Variants in KLHDC4 observed in about 807,000 individuals in gnomAD.
KLHDC4 encodes kelch domain-containing protein 4.
Under a neutral mutation model 62.4 loss-of-function variants are expected in KLHDC4, and 90 were observed. The ratio of observed to expected loss-of-function variants is 1.44; its 90% CI spans 1.22 to 1.72. KLHDC4 has a LOEUF of 1.72. Among genes scored for constraint, KLHDC4 ranks in the 40% most tolerant of loss-of-function variants. The pLI, the probability that KLHDC4 is intolerant of heterozygous loss-of-function variation, is 0.00. For synonymous variants in KLHDC4, 386 were observed against 284.4 expected (o/e 1.36, Z -3.59); for missense variants, 1,025 against 699.7 (o/e 1.47, Z -5.25).
chr16:87,723,950 T>A (rs928368526), intron 7 of KLHDC4, among the ~76,000 whole-genome samples: 5 of 152,268 alleles, frequency 3.3e-5, no homozygotes, highest in Non-Finnish European at 7.4e-5. Flanking sequence ...GATTCTCCTA[T>A]CTCAGCCTCC....
rs755158017 is a variant in KLHDC4, at chr16:87,761,948, C to A, written c.191+1G>T. ...CAATATGAAAAATGCTACTTGCTCA[C>A]CTTGGTGAGGGTGGGGGGCACGGAA... On this transcript the variant is annotated splice_donor_variant, in intron 2 of 11. Coordinates refer to ENST00000270583, the MANE Select transcript of KLHDC4 (RefSeq NM_017566.4). LOFTEE classifies it high-confidence loss of function. 6.2e-7 allele frequency: 1 copy of A among 1,613,026 alleles called. No homozygotes were observed. Among genetic ancestry groups the A allele is most frequent in the Non-Finnish European group, 8.5e-7 (1 of 1,179,614 alleles).
intron 1 of KLHDC4, among the ~76,000 whole-genome samples, chr16:87,764,424 C>T (rs1488440318): frequency 1.3e-5 from 2 of 151,662 alleles, no homozygotes; most frequent in Admixed American, 1.3e-4. Context: ...CCGAGGCGAG[C>T]GCATCACCTG....
intron 5 of KLHDC4, among the ~76,000 whole-genome samples, chr16:87,744,005 G>A (rs370436506): frequency 2.6e-5 from 4 of 152,164 alleles, no homozygotes; most frequent in South Asian, 4.1e-4. Flanking sequence ...AGGGCCAGGC[G>A]TGGTGGCTCA....
intron 7 of KLHDC4, among the ~76,000 whole-genome samples, chr16:87,724,478 G>T (rs535731404): frequency 3.5e-4 from 54 of 152,200 alleles, no homozygotes; most frequent in African/African-American, 1.3e-3. Context: ...GAAAAGAACT[G>T]GTGTCCAGAA....
chr16:87,721,298 T>C (rs915153071), intron 7 of KLHDC4, among the ~76,000 whole-genome samples: 4 of 151,614 alleles, frequency 2.6e-5, no homozygotes, highest in Non-Finnish European at 2.9e-5. Flanking sequence ...CAGGCGCCTG[T>C]AGTCCCACCT....
chr16:87,732,321 C>G (rs1179990590), intron 5 of KLHDC4, among the ~76,000 whole-genome samples: 1 of 152,068 alleles, frequency 6.6e-6, no homozygotes, highest in East Asian at 1.9e-4. Context: ...GTCTCGAACT[C>G]CTGACCTCAG....
At chr16:87,743,434 CTGAATAT>C (rs1302365112) in intron 5 of KLHDC4, among the ~76,000 whole-genome samples, 1 of 152,066 alleles carries the variant, frequency 6.6e-6, no homozygotes, top group African/African-American at 2.4e-5. Flanking sequence ...TTAAACTTGA[CTGAATAT>C]TAAAAAAAAT....
At chr16:87,748,003 TAGA>T (rs930932895) in intron 5 of KLHDC4, among the ~76,000 whole-genome samples, 42 of 152,202 alleles carry the variant, frequency 2.8e-4, no homozygotes, top group African/African-American at 9.9e-4. Context: ...AGGCCACACA[TAGA>T]AGGACACTAA....
chr16:87,755,082 A>G, intron 4 of KLHDC4, 112 bp downstream of exon 4: 1 of 681,198 alleles, frequency 1.5e-6, no homozygotes, highest in Non-Finnish European at 2.6e-6. Flanking sequence ...CAGGCGATCT[A>G]CAGGGCCCAG....
At chr16:87,721,389 G>A (rs2038295225) in intron 7 of KLHDC4, among the ~76,000 whole-genome samples, 1 of 149,670 alleles carries the variant, frequency 6.7e-6, no homozygotes, top group African/African-American at 2.5e-5. Flanking sequence ...ACTCCAGCCT[G>A]GGGGATAGAG....
chr16:87,728,600 T>C (rs2039786560), intron 6 of KLHDC4, among the ~76,000 whole-genome samples: 1 of 152,234 alleles, frequency 6.6e-6, no homozygotes, highest in Admixed American at 6.5e-5. Context: ...ACAATCTCAC[T>C]GTCCTACACA....
chr16:87,709,537 T>C lies in KLHDC4; in HGVS notation c.1175A>G (p.Asp392Gly), dbSNP rs768411783. Reference protein sequence around the residue: ...VQLVKEVVAEDGTVVTIKQVL... With the variant: ...VQLVKEVVAEGGTVVTIKQVL... ...CTGCTTAATGGTGACCACGGTGCCATCCTCGGCCACCACCTCCTTGACCAG... is the reference window on the plus strand; with the variant it reads ...CTGCTTAATGGTGACCACGGTGCCACCCTCGGCCACCACCTCCTTGACCAG... Residue 392 changes from aspartate (D) to glycine (G), a missense_variant, in exon 10 of 12, where the codon GAT (aspartate) becomes GGT (glycine). By Grantham distance (94) the Asp-to-Gly change is moderately conservative (BLOSUM62 -1). Coordinates refer to ENST00000270583, the MANE Select transcript of KLHDC4 (RefSeq NM_017566.4). 6 of 1,612,448 alleles carry C rather than the reference T, an allele frequency of 3.7e-6. No individual in the cohort carries two copies. The highest frequency in any genetic ancestry group is 3.3e-4 in the Middle Eastern group (2 of 6,062).
At chr16:87,756,527 C>A (rs757692667) in intron 2 of KLHDC4, 50 bp from the exon 3 acceptor site, 1 of 1,340,542 alleles carries the variant, frequency 7.5e-7, no homozygotes, top group Non-Finnish European at 1.1e-6. Context: ...CGATACCCAC[C>A]TGAGCGCTGT....
intron 7 of KLHDC4, among the ~76,000 whole-genome samples, chr16:87,726,023 G>A (rs547025971): frequency 6.6e-6 from 1 of 152,022 alleles, no homozygotes; most frequent in Non-Finnish European, 1.5e-5. Flanking sequence ...GCCCTAACAC[G>A]GCACCAAGTT....
At chr16:87,705,027 G>A (rs1472035844), downstream of KLHDC4, among the ~76,000 whole-genome samples, 1 of 152,072 alleles carries the variant, frequency 6.6e-6, no homozygotes, top group African/African-American at 2.4e-5. Flanking sequence ...CGGCCAGAGT[G>A]CCTCCCCTGG....
chr16:87,703,713 G>GT (rs1261636653), downstream of KLHDC4, among the ~76,000 whole-genome samples: 1 of 152,204 alleles, frequency 6.6e-6, no homozygotes, highest in Non-Finnish European at 1.5e-5. Flanking sequence ...GAAAACGGGC[G>GT]TGAGCTGGAC....
intron 4 of KLHDC4, among the ~76,000 whole-genome samples, chr16:87,752,538 T>C (rs1456544860): frequency 6.6e-6 from 1 of 152,050 alleles, no homozygotes; most frequent in Admixed American, 6.5e-5. Context: ...GGTTTCACCA[T>C]GTTGGCCAGG....
chr16:87,700,963 G>A, exon 1 of KLHDC4: 1 of 227,294 alleles, frequency 4.4e-6, no homozygotes, highest in Non-Finnish European at 8.9e-6. Context: ...CCGCGTGTCA[G>A]GTGAGGCAGT....
At chr16:87,711,157 G>A in intron 9 of KLHDC4, 78 bp downstream of exon 9, 2 of 1,484,602 alleles carry the variant, frequency 1.3e-6, no homozygotes, top group Admixed American at 3.4e-5. Context: ...ACCAAAAGGT[G>A]CTGGAGGAAG....
Sources: allele counts gnomAD v4.1 joint callset (sites outside exome capture counted in the v4.1 genomes callset), GRCh38; gene constraint gnomAD v4.1.1; transcripts MANE v1.5; gene names NCBI Gene and HGNC (gene_info 2026-07-23, HGNC 2026-07-21).